ACOT7: variants seen among roughly 807,000 people sequenced by gnomAD.
The protein encoded by ACOT7 is cytosolic acyl coenzyme A thioester hydrolase.
ACOT7 carries 12 observed loss-of-function variants against 40.2 expected under a neutral mutation model. That is an observed-to-expected ratio of 0.30 (90% CI 0.19 to 0.48). ACOT7 has a LOEUF of 0.48. Among genes scored for constraint, ACOT7 ranks in the 20% least tolerant of loss-of-function variants. The pLI is 0.99. For synonymous variants in ACOT7, 228 were observed against 219.5 expected (o/e 1.04, Z -0.34); for missense variants, 395 against 530.8 (o/e 0.74, Z 2.51).
intron 1 of ACOT7, among the ~76,000 whole-genome samples, chr1:6,376,424 C>T (rs1213972627): frequency 1.3e-5 from 2 of 151,540 alleles, no homozygotes; most frequent in African/African-American, 4.9e-5. Context: ...CAGAGCAAGA[C>T]TCTTTAAAAA....
intron 8 of ACOT7, among the ~76,000 whole-genome samples, chr1:6,270,230 C>T (rs960632469): frequency 6.6e-6 from 1 of 152,254 alleles, no homozygotes; most frequent in Non-Finnish European, 1.5e-5. Flanking sequence ...GCTGCCTCCT[C>T]GCAGCCATCT....
intron 6 of ACOT7, among the ~76,000 whole-genome samples, chr1:6,305,822 G>C (rs542406436): frequency 1.6e-3 from 248 of 152,260 alleles, no homozygotes; most frequent in Middle Eastern, 3.4e-3. Context: ...CGGCACTTTG[G>C]GGGGCCAAGG....
At chr1:6,366,519 C>G (rs1642014607) in intron 1 of ACOT7, among the ~76,000 whole-genome samples, 2 of 150,794 alleles carry the variant, frequency 1.3e-5, no homozygotes, top group South Asian at 4.2e-4. Flanking sequence ...CTCAAGAGGT[C>G]AAAGCTGCAG....
At chr1:6,284,432 CG>C (rs1464778860) in intron 7 of ACOT7, among the ~76,000 whole-genome samples, 2 of 151,824 alleles carry the variant, frequency 1.3e-5, no homozygotes, top group Non-Finnish European at 2.9e-5. Context: ...CAAAATTAGC[CG>C]GGCATGGTGG....
At chr1:6,389,725 A>G (rs1393623310) in intron 1 of ACOT7, among the ~76,000 whole-genome samples, 1 of 150,592 alleles carries the variant, frequency 6.6e-6, no homozygotes, top group African/African-American at 2.4e-5. Flanking sequence ...CAGAGGTTGC[A>G]GTGAGCCGAG....
chr1:6,373,297 C>T (rs900795769), intron 1 of ACOT7, among the ~76,000 whole-genome samples: 1 of 152,016 alleles, frequency 6.6e-6, no homozygotes, highest in Non-Finnish European at 1.5e-5. Context: ...GTTGCCCAGG[C>T]TAGAGTGTAG....
intron 1 of ACOT7, among the ~76,000 whole-genome samples, chr1:6,384,308 A>G (rs1642400925): frequency 6.6e-6 from 1 of 151,842 alleles, no homozygotes; most frequent in Admixed American, 6.6e-5. Flanking sequence ...CCACAGTGAG[A>G]TACCACTGCA....
intron 1 of ACOT7, among the ~76,000 whole-genome samples, chr1:6,361,059 A>G (rs947274533): frequency 1.3e-5 from 2 of 152,206 alleles, no homozygotes; most frequent in African/African-American, 2.4e-5. Context: ...ATTATTCACA[A>G]CCACCCAAGG....
chr1:6,389,795 GA>G (rs1340841387), intron 1 of ACOT7, among the ~76,000 whole-genome samples: 2 of 148,704 alleles, frequency 1.3e-5, no homozygotes, highest in Non-Finnish European at 3.0e-5. Context: ...AAAAAAGAAA[GA>G]AAAAAAAGCC....
In ACOT7 at chr1:6,299,182, C is replaced by A. The variant is rs1233208818; in HGVS notation, c.713-4202G>T. On this transcript the variant is annotated intron_variant, in intron 6 of 8. Transcript: ENST00000361521. The surrounding 1 kb of genome is among the most constrained non-coding windows in gnomAD (Gnocchi z 4.1). ...AGCCGTGGGCTCAGTGTCTGTCAGG[C>A]AGAGGAGGTGACGGCGCCCACAGGC... Among the ~76,000 whole-genome samples, 5 of 152,148 alleles carry A rather than the reference C, an allele frequency of 3.3e-5. No individual in the cohort carries two copies. The East Asian group carries it at 9.7e-4, about 29-fold the overall frequency.
chr1:6,292,589 G>C (rs1423654871), intron 7 of ACOT7, among the ~76,000 whole-genome samples: 4 of 151,980 alleles, frequency 2.6e-5, no homozygotes, highest in Non-Finnish European at 4.4e-5. Context: ...TATTGACCAA[G>C]AACCACAACA....
At chr1:6,332,077 G>T (rs969557917) in intron 4 of ACOT7, among the ~76,000 whole-genome samples, 1 of 152,258 alleles carries the variant, frequency 6.6e-6, no homozygotes, top group African/African-American at 2.4e-5. Context: ...GCTGCCGGCA[G>T]CGGCAAGAGC....
At chr1:6,340,963 G>A (rs374044511) in intron 2 of ACOT7, among the ~76,000 whole-genome samples, 1 of 151,872 alleles carries the variant, frequency 6.6e-6, no homozygotes, top group East Asian at 2.0e-4. Context: ...GTGAACTCGG[G>A]ACGGGGAGGT....
In ACOT7 at chr1:6,306,807, C is replaced by T. The variant is rs1006567212; in HGVS notation, c.712+11685G>A. 11 of 1,288,744 alleles carry T rather than the reference C, an allele frequency of 8.5e-6. No individual in the cohort carries two copies. The highest frequency in any genetic ancestry group is 2.1e-4 in the Middle Eastern group (1 of 4,710). The allele number at this position is 1,288,744 out of a possible 1,614,324, so 79.8% of individuals were successfully genotyped here. A position where few individuals can be genotyped will look rare whatever the true frequency, so the allele number is the denominator to read the frequency against. ...GTGTCCCACGTAGCAGTGGGGGCTC[C>T]GGCCAAACAAGGTCACGGAATTGGA... On this transcript the variant is annotated intron_variant, in intron 6 of 8. Transcript: ENST00000361521. The surrounding 1 kb of genome is among the most constrained non-coding windows in gnomAD (Gnocchi z 4.3).
rs1308890897 is a variant in ACOT7 at position 6,338,639 on chromosome 1, C to T, written c.418+794G>A. 6.6e-6 allele frequency among the ~76,000 whole-genome samples: 1 copy of T among 152,192 alleles called. No homozygotes were observed. Among genetic ancestry groups the T allele is most frequent in the East Asian group, 1.9e-4 (1 of 5,186 alleles). ...CCGGCCCGTCATGAGGAAGAGGACT[C>T]AAGCCCCTCAAATGGCTGTGAGCTG... On this transcript the variant is annotated intron_variant, in intron 3 of 8. Coordinates refer to ENST00000361521, the MANE Select transcript of ACOT7 (RefSeq NM_007274.4). This position sits in a 1 kb window ranked among gnomAD's most constrained non-coding sequence, Gnocchi z 4.4.
intron 6 of ACOT7, among the ~76,000 whole-genome samples, chr1:6,300,606 C>T (rs1326802461): frequency 1.1e-4 from 16 of 140,510 alleles, no homozygotes; most frequent in Admixed American, 1.1e-3. Flanking sequence ...GGAATCTCAC[C>T]GGACCCCACC....
At chr1:6,340,689 T>C (rs928902201) in intron 2 of ACOT7, among the ~76,000 whole-genome samples, 2 of 152,202 alleles carry the variant, frequency 1.3e-5, no homozygotes, top group African/African-American at 2.4e-5. Context: ...TTCTTTTTCA[T>C]TCAACGTAGG....
At chr1:6,345,728 T>C (rs2148451339) in intron 2 of ACOT7, among the ~76,000 whole-genome samples, 1 of 152,272 alleles carries the variant, frequency 6.6e-6, no homozygotes, top group Non-Finnish European at 1.5e-5. Flanking sequence ...GATGCAGCTG[T>C]CTGGAAAGCC....
intron 6 of ACOT7, among the ~76,000 whole-genome samples, chr1:6,297,435 G>A (rs1018771598): frequency 6.6e-6 from 1 of 152,222 alleles, no homozygotes; most frequent in African/African-American, 2.4e-5. Context: ...CGTTTAGGGT[G>A]GGAATCAAAT....
Sources: allele counts gnomAD v4.1 joint callset (sites outside exome capture counted in the v4.1 genomes callset), GRCh38; gene constraint gnomAD v4.1.1; non-coding constraint Gnocchi (gnomAD v3.1); transcripts MANE v1.5; gene names NCBI Gene and HGNC (gene_info 2026-07-23, HGNC 2026-07-21).